The following UACA variants were observed in gnomAD, a reference collection of about 807,000 sequenced individuals.
UACA encodes the protein uveal autoantigen with coiled-coil domains and ankyrin repeats, also known as nuclear membrane binding protein.
Under a neutral mutation model 160.5 loss-of-function variants are expected in UACA, and 112 were observed. The ratio of observed to expected loss-of-function variants is 0.70; its 90% CI spans 0.60 to 0.82. UACA has a LOEUF of 0.82. Among genes scored for constraint, UACA ranks in the 40% least tolerant of loss-of-function variants. The pLI, the probability that UACA is intolerant of heterozygous loss-of-function variation, is 0.00. For synonymous variants in UACA, 557 were observed against 568.4 expected (o/e 0.98, Z 0.29); for missense variants, 1,574 against 1,614.6 (o/e 0.97, Z 0.43).
chr15:70,704,889 T>G (rs1302482130), intron 1 of UACA, among the ~76,000 whole-genome samples: 1 of 152,176 alleles, frequency 6.6e-6, no homozygotes, highest in Non-Finnish European at 1.5e-5. Context: ...CAGGGATGCC[T>G]TGTGGTCAAA....
chr15:70,659,578 A>C (rs1326074768), intron 18 of UACA, among the ~76,000 whole-genome samples: 1 of 151,752 alleles, frequency 6.6e-6, no homozygotes, highest in Non-Finnish European at 1.5e-5. Flanking sequence ...TCTACAGGAA[A>C]TTAAGCATAG....
chr15:70,729,855 C>T (rs1454778728), intron 1 of UACA, among the ~76,000 whole-genome samples: 1 of 127,732 alleles, frequency 7.8e-6, no homozygotes, highest in African/African-American at 3.7e-5. Context: ...AGCAGCCTAA[C>T]TGGGAGGCAC....
chr15:70,719,034 G>A (rs1898910035), intron 1 of UACA, among the ~76,000 whole-genome samples: 1 of 151,764 alleles, frequency 6.6e-6, no homozygotes, highest in Non-Finnish European at 1.5e-5. Context: ...AAGGAGGAAG[G>A]AAGGGAGGAA....
the UACA span, among the ~76,000 whole-genome samples, chr15:70,774,773 G>T: frequency 1.3e-5 from 2 of 152,090 alleles, no homozygotes; most frequent in South Asian, 4.2e-4. Flanking sequence ...GTTAAAATAG[G>T]CTGGGTGCAG....
chr15:70,747,241 G>GTTTTTTTTTT (rs549683234), intron 1 of UACA, among the ~76,000 whole-genome samples: 1 of 119,254 alleles, frequency 8.4e-6, no homozygotes, highest in African/African-American at 3.3e-5. Flanking sequence ...TGTTTTTTGG[G>GTTTTTTTTTT]TTTTTTTTTT....
intron 1 of UACA, among the ~76,000 whole-genome samples, chr15:70,743,239 C>CT (rs904931593): frequency 9.2e-5 from 14 of 152,174 alleles, no homozygotes; most frequent in African/African-American, 3.1e-4. Context: ...CCAGAGAAAA[C>CT]TTTATGTTTT....
chr15:70,753,524 C>G (rs938700319), intron 1 of UACA, among the ~76,000 whole-genome samples: 142 of 152,258 alleles, frequency 9.3e-4, no homozygotes, highest in African/African-American at 3.3e-3. Flanking sequence ...GTTCCAAAGC[C>G]AGGCTACCTA....
chr15:70,776,546 G>A, the UACA span, among the ~76,000 whole-genome samples: 2 of 150,988 alleles, frequency 1.3e-5, no homozygotes, highest in African/African-American at 4.9e-5. Flanking sequence ...TCCTGCCTCA[G>A]CCTCCCGAGT....
chr15:70,689,926 T>C (rs1236298899), intron 5 of UACA, among the ~76,000 whole-genome samples: 1 of 152,140 alleles, frequency 6.6e-6, no homozygotes, highest in African/African-American at 2.4e-5. Context: ...GGAAAACAAC[T>C]ACCACCATTA....
chr15:70,765,536 A>G (rs2030990696), upstream of UACA, among the ~76,000 whole-genome samples: 1 of 152,228 alleles, frequency 6.6e-6, no homozygotes, highest in South Asian at 2.1e-4. Context: ...ATACTAACAC[A>G]TATGAGCTGA....
intron 1 of UACA, among the ~76,000 whole-genome samples, chr15:70,739,495 C>T (rs1451596892): frequency 6.6e-6 from 1 of 152,138 alleles, no homozygotes; most frequent in Admixed American, 6.6e-5. Flanking sequence ...AAAGACAACT[C>T]GGTCTTACAA....
rs1897782695 is a variant in UACA at position 70,687,773 on chromosome 15, C to T, written c.472G>A (p.Ala158Thr). Residue 158 changes from alanine (A) to threonine (T), a missense_variant, in exon 6 of 19, where the codon GCC becomes ACC. Physicochemically the swap from Ala to Thr is moderately conservative, Grantham distance 58 (BLOSUM62 0). Transcript: ENST00000322954. Reference protein sequence around the residue: ...SSIQLLCDHGASVNAKDVDGR... With the variant: ...SSIQLLCDHGTSVNAKDVDGR... ...ACTACATCTTTGGCATTCACAGAGG[C>T]CCCATGGTCACAAAGCAGCTGTATG... The T allele has an allele frequency of 6.2e-7, 1 of 1,613,746 alleles. No individual in the cohort carries two copies. Among genetic ancestry groups the T allele is most frequent in the Non-Finnish European group, 8.5e-7 (1 of 1,179,764 alleles).
At chr15:70,689,610 G>C (rs916935163) in intron 5 of UACA, among the ~76,000 whole-genome samples, 2 of 152,052 alleles carry the variant, frequency 1.3e-5, no homozygotes, top group East Asian at 3.9e-4. Flanking sequence ...TATGTCTTCA[G>C]TGCAGACCAC....
intron 1 of UACA, among the ~76,000 whole-genome samples, chr15:70,760,289 C>G (rs967435748): frequency 4.6e-5 from 7 of 151,784 alleles, no homozygotes; most frequent in African/African-American, 1.7e-4. Flanking sequence ...TTAAATATCG[C>G]AGAGTGGAAA....
the UACA span, among the ~76,000 whole-genome samples, chr15:70,777,379 G>C: frequency 6.6e-6 from 1 of 152,140 alleles, no homozygotes; most frequent in Non-Finnish European, 1.5e-5. Flanking sequence ...GAGATGGAGA[G>C]ATAAATGTGG....
chr15:70,667,107 C>T lies in UACA; in HGVS notation c.3577G>A (p.Glu1193Lys). ...IKASLREKEE[E>K]SQNKMEEVSK... ...ACTTCTTCCATTTTGTTTTGGCTTT[C>T]TTCTTCCTTTTCTCTCAAGCTGGCT... The change falls in exon 16 of 19, where the codon GAA (glutamate) becomes AAA (lysine). Residue 1193 changes from glutamate to lysine, a missense_variant. Glu to Lys is a moderately conservative substitution (Grantham distance 56). Transcript: ENST00000322954. 1.2e-6 allele frequency: 2 copies of T among 1,612,944 alleles called. No homozygotes were observed. Among genetic ancestry groups the T allele is most frequent in the Non-Finnish European group, 1.7e-6 (2 of 1,179,822 alleles).
chr15:70,668,869 T>C lies in UACA; in HGVS notation c.1815A>G (p.Lys605=). ...LSMCEMEREK[K]GRKVTEMEGQ... is the part of the protein sequence containing the mutation. Reference sequence around the variant, plus strand: ...CTTCCATCTCTGTGACCTTTCTTCCTTTCTTCTCTCGCTCCATTTCACACA... The same window carrying C: ...CTTCCATCTCTGTGACCTTTCTTCCCTTCTTCTCTCGCTCCATTTCACACA... Residue 605 remains lysine (K), a synonymous_variant, in exon 16 of 19, where the codon AAA becomes AAG. Transcript: ENST00000322954. The C allele has an allele frequency of 6.2e-7, 1 of 1,613,802 alleles. No homozygotes were observed. The highest frequency in any genetic ancestry group is 2.2e-5 in the East Asian group (1 of 44,884).
At chr15:70,673,474 A>C (rs1897205484) in intron 13 of UACA, among the ~76,000 whole-genome samples, 4 of 152,234 alleles carry the variant, frequency 2.6e-5, no homozygotes, top group Admixed American at 2.6e-4. Flanking sequence ...GTGCCCCCAC[A>C]GTATGAAAAA....
At chr15:70,672,698 C>T (rs1429964482) in intron 13 of UACA, among the ~76,000 whole-genome samples, 1 of 152,206 alleles carries the variant, frequency 6.6e-6, no homozygotes. Flanking sequence ...GTGGCTCACA[C>T]CTGTAATCCC....
Sources: gnomAD v4.1 joint callset for allele counts (sites outside exome capture counted in the v4.1 genomes callset) on GRCh38, gnomAD v4.1.1 for gene constraint, MANE v1.5 for transcripts, NCBI Gene and HGNC (gene_info 2026-07-23, HGNC 2026-07-21) for gene names.